MTHFD2L: variants seen among roughly 807,000 people sequenced by gnomAD.
MTHFD2L encodes bifunctional methylenetetrahydrofolate dehydrogenase/cyclohydrolase 2, mitochondrial.
Under a neutral mutation model 34.9 loss-of-function variants are expected in MTHFD2L, and 29 were observed. The observed-to-expected ratio is 0.83, with a 90% CI of 0.62 to 1.13. MTHFD2L has a LOEUF of 1.13. Ranked by LOEUF, MTHFD2L falls within the 50% of genes most tolerant of loss-of-function variation. The probability of loss-of-function intolerance (pLI) is 0.00; values close to 1 mark genes in which losing one functional copy is unlikely to be tolerated. For synonymous variants in MTHFD2L, 167 were observed against 155.7 expected (o/e 1.07, Z -0.54); for missense variants, 481 against 446.5 (o/e 1.08, Z -0.70).
chr4:74,201,881 C>G (rs1734502333), intron 5 of MTHFD2L, among the ~76,000 whole-genome samples: 1 of 152,154 alleles, frequency 6.6e-6, no homozygotes, highest in Non-Finnish European at 1.5e-5. Flanking sequence ...ATGTGTTAGC[C>G]TTAGAGAACA....
chr4:74,145,513 A>C (rs543242019), intron 1 of MTHFD2L, among the ~76,000 whole-genome samples: 2 of 152,216 alleles, frequency 1.3e-5, no homozygotes, highest in African/African-American at 2.4e-5. Context: ...AGGAAACTCT[A>C]TTTATTAGAG....
intron 6 of MTHFD2L, among the ~76,000 whole-genome samples, chr4:74,278,351 T>C (rs1306897665): frequency 1.3e-5 from 2 of 152,150 alleles, no homozygotes; most frequent in Non-Finnish European, 2.9e-5. Context: ...TATACATTTG[T>C]TCCCATTCAG....
At chr4:74,138,805 C>A (rs6849635) in intron 1 of MTHFD2L, among the ~76,000 whole-genome samples, 16 of 152,116 alleles carry the variant, frequency 1.1e-4, no homozygotes. Context: ...GGGAGGGGAC[C>A]CAAAGCGGGT....
At chr4:74,270,231 A>G (rs1031408644) in intron 6 of MTHFD2L, among the ~76,000 whole-genome samples, 1 of 151,932 alleles carries the variant, frequency 6.6e-6, no homozygotes, top group Non-Finnish European at 1.5e-5. Context: ...CAGGTTTGTT[A>G]CGTATGTATA....
intron 1 of MTHFD2L, among the ~76,000 whole-genome samples, chr4:74,136,415 C>T (rs1489399061): frequency 6.6e-6 from 1 of 151,576 alleles, no homozygotes; most frequent in Non-Finnish European, 1.5e-5. Context: ...TCAATTGAAA[C>T]CAAAGATGTG....
At chr4:74,221,833 A>C (rs2110111717) in intron 5 of MTHFD2L, among the ~76,000 whole-genome samples, 1 of 151,682 alleles carries the variant, frequency 6.6e-6, no homozygotes, top group East Asian at 1.9e-4. Context: ...TGCATTAAAA[A>C]AATATTTAAG....
chr4:74,183,364 T>G (rs2109991068), intron 3 of MTHFD2L: 1 of 152,174 alleles, frequency 6.6e-6, no homozygotes, highest in East Asian at 1.9e-4. Context: ...AGACCTATGA[T>G]CTAAGAAATA....
chr4:74,244,713 A>G (rs984128707), intron 6 of MTHFD2L, among the ~76,000 whole-genome samples: 1 of 152,210 alleles, frequency 6.6e-6, no homozygotes, highest in Non-Finnish European at 1.5e-5. Context: ...TGGAGTATGA[A>G]TATTACAGAG....
chr4:74,122,951 T>C (rs796190638), upstream of MTHFD2L, among the ~76,000 whole-genome samples: 24 of 152,340 alleles, frequency 1.6e-4, no homozygotes, highest in African/African-American at 5.8e-4. Flanking sequence ...TGGAATTCTT[T>C]AGACTCTTCT....
intron 6 of MTHFD2L, among the ~76,000 whole-genome samples, chr4:74,252,549 G>A (rs1428607817): frequency 1.4e-4 from 21 of 151,514 alleles, no homozygotes; most frequent in Admixed American, 1.4e-3. Flanking sequence ...AGAATATGGG[G>A]TTATATAAAA....
chr4:74,229,694 A>AT (rs1313313308), intron 6 of MTHFD2L, among the ~76,000 whole-genome samples: 10 of 152,130 alleles, frequency 6.6e-5, no homozygotes, highest in African/African-American at 2.2e-4. Flanking sequence ...ACTGGCTTAT[A>AT]TATCACTCAC....
intron 7 of MTHFD2L, among the ~76,000 whole-genome samples, chr4:74,286,567 G>C (rs548326315): frequency 6.6e-6 from 1 of 152,034 alleles, no homozygotes; most frequent in Non-Finnish European, 1.5e-5. Context: ...TAATTATACC[G>C]TTCTTAATTC....
upstream of MTHFD2L, among the ~76,000 whole-genome samples, chr4:74,153,805 AAAAT>A (rs1266970203): frequency 3.3e-5 from 5 of 152,230 alleles, no homozygotes; most frequent in African/African-American, 1.2e-4. Context: ...AAAAATTCAG[AAAAT>A]AGTACTGAGT....
intron 6 of MTHFD2L, among the ~76,000 whole-genome samples, chr4:74,274,472 C>A (rs1281274181): frequency 6.6e-6 from 1 of 152,178 alleles, no homozygotes; most frequent in Non-Finnish European, 1.5e-5. Context: ...CTTATCCTAG[C>A]AGGAAGTTCA....
At position 74,285,278 on chromosome 4, in the gene MTHFD2L, C is replaced by A. The variant is rs953380409; in HGVS notation, c.931+3728C>A. Among the ~76,000 whole-genome samples, 7 of 151,892 alleles carry A rather than the reference C, an allele frequency of 4.6e-5. No individual in the cohort carries two copies. The East Asian group carries it at 1.4e-3, about 29-fold the overall frequency. On this transcript the variant is annotated intron_variant, in intron 7 of 7. Coordinates refer to ENST00000325278, the MANE Select transcript of MTHFD2L (RefSeq NM_001144978.3). ...ATGGGTGCAGCACACCCACATGGCA[C>A]ATGTATACATATGTAACAAGACTGC...
intron 6 of MTHFD2L, chr4:74,242,313 T>C (rs1741843937): frequency 6.6e-6 from 1 of 152,186 alleles, no homozygotes; most frequent in Non-Finnish European, 1.5e-5. Context: ...TCATGGTACA[T>C]TATTTTTAAA....
chr4:74,230,866 C>A (rs1012738287), intron 6 of MTHFD2L, among the ~76,000 whole-genome samples: 3 of 152,170 alleles, frequency 2.0e-5, no homozygotes, highest in African/African-American at 7.2e-5. Context: ...TTCTAGGAAT[C>A]TTCATTATTC....
At chr4:74,193,767 T>G (rs1421630216) in intron 3 of MTHFD2L, among the ~76,000 whole-genome samples, 1 of 152,212 alleles carries the variant, frequency 6.6e-6, no homozygotes, top group Non-Finnish European at 1.5e-5. Context: ...TATATTGACT[T>G]TGTAATCTTG....
upstream of MTHFD2L, among the ~76,000 whole-genome samples, chr4:74,119,256 A>G (rs1314831367): frequency 6.6e-6 from 1 of 152,186 alleles, no homozygotes; most frequent in Non-Finnish European, 1.5e-5. Context: ...TCAGAATCTG[A>G]CACTTATTTT....
Sources: allele counts gnomAD v4.1 joint callset (sites outside exome capture counted in the v4.1 genomes callset), GRCh38; gene constraint gnomAD v4.1.1; transcripts MANE v1.5; gene names NCBI Gene and HGNC (gene_info 2026-07-23, HGNC 2026-07-21).